Variants in CCDC175 observed in about 807,000 individuals in gnomAD.
CCDC175 encodes the protein coiled-coil domain-containing protein 175.
A neutral mutation model predicts 114.6 loss-of-function variants in CCDC175; 100 were observed. The ratio of observed to expected loss-of-function variants is 0.87; its 90% CI spans 0.74 to 1.03. CCDC175 has a LOEUF of 1.03. CCDC175 is among the 50% of genes least tolerant of loss of function. The pLI, the probability that CCDC175 is intolerant of heterozygous loss-of-function variation, is 0.00. For synonymous variants in CCDC175, 306 were observed against 308.7 expected, an observed-to-expected ratio of 0.99 and a Z score of 0.09; for missense variants, 880 against 917.8, an observed-to-expected ratio of 0.96 and a Z score of 0.53.
At chr14:59,540,355 C>G (rs12323585) in intron 11 of CCDC175, among the ~76,000 whole-genome samples, 87 of 152,304 alleles carry the variant, frequency 5.7e-4, no homozygotes, top group African/African-American at 2.1e-3. Context: ...CCACCTTCCT[C>G]TCTTACCATA....
intron 19 of CCDC175, 172 bp from the exon 20 acceptor site, chr14:59,505,487 C>T (rs743165): frequency 0.52 from 196,363 of 380,948 alleles, 55,247 homozygotes; most frequent in East Asian, 0.8. Context: ...ACTATATCTT[C>T]TGGTCCACTT....
At chr14:59,574,633 C>T (rs1236321755) in intron 2 of CCDC175, among the ~76,000 whole-genome samples, 1 of 152,218 alleles carries the variant, frequency 6.6e-6, no homozygotes, top group Non-Finnish European at 1.5e-5. Flanking sequence ...GTGTCCCAAG[C>T]ATTTGCCCAT....
chr14:59,544,279 G>A lies in CCDC175; in HGVS notation c.1173-825C>T, dbSNP rs371797100. Among the ~76,000 whole-genome samples, 30 of 152,230 alleles carry A rather than the reference G, an allele frequency of 2.0e-4. No homozygotes were observed. In the East Asian group the frequency reaches 5.6e-3, roughly 28 times the overall value. Reference sequence around the variant, plus strand: ...CCTCCTGGGTTGAAGCGATTCTCCTGCCTCAGCTTTCAGAGTAGCTGGGAT... The same window carrying A: ...CCTCCTGGGTTGAAGCGATTCTCCTACCTCAGCTTTCAGAGTAGCTGGGAT... On this transcript the variant is annotated intron_variant, in intron 9 of 19. Coordinates refer to ENST00000537690, the MANE Select transcript of CCDC175 (RefSeq NM_001164399.2).
chr14:59,508,413 C>CACACACAG (rs1380304060), intron 19 of CCDC175, among the ~76,000 whole-genome samples: 5 of 147,956 alleles, frequency 3.4e-5, no homozygotes, highest in African/African-American at 1.3e-4. Flanking sequence ...CACACACACA[C>CACACACAG]ACACACACAC....
chr14:59,568,689 G>T (rs747074322), intron 3 of CCDC175, among the ~76,000 whole-genome samples: 2 of 152,058 alleles, frequency 1.3e-5, no homozygotes, highest in Non-Finnish European at 2.9e-5. Flanking sequence ...TCTACATGGG[G>T]CTTCTTTATG....
In CCDC175 at chr14:59,546,770, G is replaced by A. The variant is rs142919529; in HGVS notation, c.1036-1471C>T. On this transcript the variant is annotated intron_variant, in intron 8 of 19. Coordinates refer to ENST00000537690, the MANE Select transcript of CCDC175 (RefSeq NM_001164399.2). ...AGGATTGCTTGAGACTGGGAGGTCC[G>A]AGGCTGCAGTGAGCCATGATCATAC... Among the ~76,000 whole-genome samples the A allele has an allele frequency of 4.5e-3, 679 of 152,154 alleles. 4 individuals are homozygous for A. Among genetic ancestry groups the A allele is most frequent in the Non-Finnish European group, 7.5e-3 (509 of 68,004 alleles).
intron 15 of CCDC175, 99 bp downstream of exon 15, chr14:59,526,996 G>A (rs1893781249): frequency 1.6e-6 from 1 of 619,094 alleles, no homozygotes; most frequent in Non-Finnish European, 2.6e-6. Context: ...TAACAAATGT[G>A]GATTTCATGA....
rs752811731 is a variant in CCDC175 at position 59,538,249 on chromosome 14, C to G, written c.1492-95G>C. 14 of 1,042,612 alleles carry G rather than the reference C, an allele frequency of 1.3e-5. No homozygotes were observed. The East Asian group carries it at 4.1e-4, about 30-fold the overall frequency. The allele number at this position is 1,042,612 out of a possible 1,614,324, so 64.6% of individuals were successfully genotyped here. A position where few individuals can be genotyped will look rare whatever the true frequency, so the allele number is the denominator to read the frequency against. On this transcript the variant is annotated intron_variant, in intron 12 of 19. Coordinates refer to ENST00000537690, the MANE Select transcript of CCDC175 (RefSeq NM_001164399.2). Reference sequence around the variant, plus strand: ...GAAATTAATATCTCTTTGCAGGAGGCCTGCTTCTGATTTCAGTTCATATAA... The same window carrying G: ...GAAATTAATATCTCTTTGCAGGAGGGCTGCTTCTGATTTCAGTTCATATAA...
intron 7 of CCDC175, among the ~76,000 whole-genome samples, chr14:59,556,466 T>A (rs955238579): frequency 1.3e-5 from 2 of 152,188 alleles, no homozygotes; most frequent in Non-Finnish European, 2.9e-5. Context: ...TAATTCAAGA[T>A]GGATTAAAGA....
rs1385313824 is a variant in CCDC175 at position 59,576,654 on chromosome 14, A to G, written c.122T>C (p.Val41Ala). 3.1e-5 allele frequency: 46 copies of G among 1,473,370 alleles called. No homozygotes were observed. The highest frequency in any genetic ancestry group is 4.0e-5 in the Non-Finnish European group (45 of 1,120,012). The allele number at this position is 1,473,370 out of a possible 1,614,324, so 91.3% of individuals were successfully genotyped here. ...CAGCTGCTCCAGCGCCTCGACCGCG[A>G]CCGAGGAGCCCAGGGTGGAGGGTAA... The part of the protein sequence containing the change: ...CTLPSTLGSS[V>A]AVEALEQLFV... The change falls in exon 1 of 20, where the codon GTC becomes GCC. Residue 41 changes from valine (V) to alanine (A), a missense_variant. Coordinates refer to ENST00000537690, the MANE Select transcript of CCDC175 (RefSeq NM_001164399.2).
chr14:59,530,786 C>G (rs1388156379), intron 14 of CCDC175, among the ~76,000 whole-genome samples: 2 of 152,150 alleles, frequency 1.3e-5, no homozygotes, highest in African/African-American at 2.4e-5. Flanking sequence ...ATTTTAATTC[C>G]TATCCCCATA....
intron 19 of CCDC175, among the ~76,000 whole-genome samples, chr14:59,507,853 C>T (rs1178974113): frequency 6.6e-6 from 1 of 152,146 alleles, no homozygotes; most frequent in Non-Finnish European, 1.5e-5. Flanking sequence ...TGGCTCACAC[C>T]TGTAGGGAGC....
intron 17 of CCDC175, among the ~76,000 whole-genome samples, chr14:59,516,723 C>T (rs965548662): frequency 2.6e-5 from 4 of 152,116 alleles, no homozygotes; most frequent in South Asian, 2.1e-4. Context: ...GATTCCCAGC[C>T]GAATTCTACC....
At chr14:59,556,854 T>C (rs4898995) in intron 7 of CCDC175, among the ~76,000 whole-genome samples, 88,318 of 151,802 alleles carry the variant, frequency 0.58, 26,672 homozygotes, top group East Asian at 0.83. Context: ...AGCCAAAAGA[T>C]ACATGAAAAA....
At chr14:59,537,123 G>A (rs1230366770) in intron 13 of CCDC175, among the ~76,000 whole-genome samples, 2 of 152,080 alleles carry the variant, frequency 1.3e-5, no homozygotes, top group Admixed American at 1.3e-4. Context: ...TTTTTTCTGA[G>A]TGTTCTTCAT....
intron 7 of CCDC175, among the ~76,000 whole-genome samples, chr14:59,551,820 T>C (rs1895513048): frequency 6.6e-6 from 1 of 152,298 alleles, no homozygotes; most frequent in Non-Finnish European, 1.5e-5. Context: ...CAGGAGATTA[T>C]ATCCCGCGCA....
chr14:59,513,886 C>T (rs112223652), intron 17 of CCDC175, among the ~76,000 whole-genome samples: 307 of 152,284 alleles, frequency 2.0e-3, no homozygotes, highest in African/African-American at 7.2e-3. Flanking sequence ...CGTCCTTGAC[C>T]CCCGAGTAGC....
At chr14:59,562,329 T>A (rs138474619) in intron 6 of CCDC175, among the ~76,000 whole-genome samples, 16 of 152,192 alleles carry the variant, frequency 1.1e-4, no homozygotes, top group African/African-American at 3.1e-4. Context: ...AATCTGAAAT[T>A]CCTTGTGGTC....
intron 7 of CCDC175, among the ~76,000 whole-genome samples, chr14:59,560,188 T>C (rs1896146128): frequency 6.6e-6 from 1 of 152,166 alleles, no homozygotes; most frequent in Non-Finnish European, 1.5e-5. Flanking sequence ...ATCAGCATTG[T>C]ACTCTACAAA....
Sources: allele counts gnomAD v4.1 joint callset (sites outside exome capture counted in the v4.1 genomes callset), GRCh38; gene constraint gnomAD v4.1.1; transcripts MANE v1.5; gene names NCBI Gene and HGNC (gene_info 2026-07-23, HGNC 2026-07-21).